TBC1D23: variants seen among roughly 807,000 people sequenced by gnomAD.
The protein encoded by TBC1D23 is TBC1 domain family member 23, also known as HCV non-structural protein 4A-transactivated protein 1.
A neutral mutation model predicts 91.4 loss-of-function variants in TBC1D23; 55 were observed. The observed-to-expected ratio is 0.60, with a 90% CI of 0.48 to 0.75. The LOEUF is 0.75. TBC1D23 is among the 30% of genes least tolerant of loss of function. The pLI is 0.00. For missense variants in TBC1D23, 725 were observed against 836.1 expected, an observed-to-expected ratio of 0.87 and a Z score of 1.64; for synonymous variants, 289 against 281.0, an observed-to-expected ratio of 1.03 and a Z score of -0.28.
intron 16 of TBC1D23, among the ~76,000 whole-genome samples, chr3:100,317,942 A>G (rs1298955078): frequency 3.3e-5 from 5 of 152,034 alleles, no homozygotes; most frequent in Non-Finnish European, 7.4e-5. Flanking sequence ...ATATACATTT[A>G]TATACATTTA....
chr3:100,303,388 T>G (rs1323875907), intron 11 of TBC1D23, among the ~76,000 whole-genome samples: 2 of 152,150 alleles, frequency 1.3e-5, no homozygotes, highest in Non-Finnish European at 2.9e-5. Context: ...AATTTTAAAT[T>G]TTATTAAAGG....
At chr3:100,261,435 G>A in intron 1 of TBC1D23, 1 of 298,800 alleles carries the variant, frequency 3.3e-6, no homozygotes. Context: ...GTTGGATGCA[G>A]ATCTGAGTCA....
In TBC1D23 at chr3:100,281,135, C is replaced by T. The variant is rs534372606; in HGVS notation, c.166-607C>T. Among the ~76,000 whole-genome samples, 231 of 152,216 alleles carry T rather than the reference C, an allele frequency of 1.5e-3. 1 individual carries two copies. Among genetic ancestry groups the T allele is most frequent in the African/African-American group, 5.3e-3 (219 of 41,528 alleles). ...CGAGATCGTGCCACTATGCTCCAGCCTGAGCAAGAGAGCGAAACTCAGTCT... is the reference window on the plus strand; with the variant it reads ...CGAGATCGTGCCACTATGCTCCAGCTTGAGCAAGAGAGCGAAACTCAGTCT... On this transcript the variant is annotated intron_variant, in intron 2 of 18. Transcript: ENST00000394144.
intron 1 of TBC1D23, among the ~76,000 whole-genome samples, chr3:100,274,889 T>TCC: frequency 8.1e-6 from 1 of 123,868 alleles, no homozygotes; most frequent in African/African-American, 2.7e-5. Context: ...ATGCATACAG[T>TCC]ACACACCCCC....
intron 11 of TBC1D23, among the ~76,000 whole-genome samples, chr3:100,303,717 C>T (rs1431062155): frequency 1.3e-5 from 2 of 152,080 alleles, no homozygotes; most frequent in Non-Finnish European, 2.9e-5. Flanking sequence ...CTGCAGTGAG[C>T]CATAGTCATG....
At chr3:100,307,155 G>A (rs892191803) in intron 13 of TBC1D23, among the ~76,000 whole-genome samples, 1 of 152,124 alleles carries the variant, frequency 6.6e-6, no homozygotes, top group Non-Finnish European at 1.5e-5. Context: ...CTGTTTTTCT[G>A]TTCTTTGGAA....
intron 1 of TBC1D23, among the ~76,000 whole-genome samples, chr3:100,276,643 C>T (rs1400406558): frequency 3.9e-5 from 6 of 152,126 alleles, no homozygotes; most frequent in South Asian, 2.1e-4. Flanking sequence ...TTGTTTGCCT[C>T]GCTGTAATTC....
chr3:100,302,533 G>A (rs886438017), intron 11 of TBC1D23, among the ~76,000 whole-genome samples: 1 of 152,072 alleles, frequency 6.6e-6, no homozygotes. Flanking sequence ...GTTCCTCTAT[G>A]CATCAAGATC....
chr3:100,281,824 A>G lies in TBC1D23; in HGVS notation c.248A>G (p.His83Arg), dbSNP rs1401533483. 6.2e-7 allele frequency: 1 copy of G among 1,609,044 alleles called. No homozygotes were observed. The change falls in exon 3 of 19, where the codon CAC (histidine) becomes CGC (arginine). Residue 83 changes from histidine (H) to arginine (R), a missense_variant. His to Arg is a conservative substitution (Grantham distance 29). Coordinates refer to ENST00000394144, the MANE Select transcript of TBC1D23 (RefSeq NM_001199198.3). ...ILDLPEQNTIHKDCLQFIDQL... is the reference protein window; with the variant it reads ...ILDLPEQNTIRKDCLQFIDQL... ...GACTTGCCAGAACAGAACACTATTC[A>G]CAAAGATTGCCTGCAGTTTATTGGT...
chr3:100,295,910 T>G (rs2067835081), intron 7 of TBC1D23, among the ~76,000 whole-genome samples: 1 of 152,230 alleles, frequency 6.6e-6, no homozygotes, highest in Non-Finnish European at 1.5e-5. Flanking sequence ...TCTTCATATA[T>G]GTTTAATAAA....
rs752506923 is a variant in TBC1D23 at position 100,290,686 on chromosome 3, C to A, written c.585C>A (p.Ser195=). The stretch of plus-strand genomic sequence containing the variant: ...ATACAAAGAAAATTACTCCAGACTC[C>A]TATGCACTCAACTGGGTAATAAAGT... The part of the protein sequence containing the change: ...YLDTKKITPD[S]YALNWLGSLF... Residue 195 remains serine (S), a synonymous_variant, in exon 5 of 19, where the codon TCC becomes TCA. Transcript: ENST00000394144. The A allele has an allele frequency of 1.2e-6, 2 of 1,609,442 alleles. No individual in the cohort carries two copies. Among genetic ancestry groups the A allele is most frequent in the Admixed American group, 3.3e-5 (2 of 59,740 alleles).
At chr3:100,264,024 C>A (rs1156667589) in intron 1 of TBC1D23, among the ~76,000 whole-genome samples, 1 of 152,148 alleles carries the variant, frequency 6.6e-6, no homozygotes, top group Admixed American at 6.5e-5. Context: ...TAATCTTTCT[C>A]CTTTTTATCC....
chr3:100,283,423 G>A (rs2067711869), intron 3 of TBC1D23, among the ~76,000 whole-genome samples, 184 bp from the exon 4 acceptor site: 1 of 151,972 alleles, frequency 6.6e-6, no homozygotes, highest in Admixed American at 6.6e-5. Flanking sequence ...TTTTCCTTGG[G>A]TTTTGGATCT....
At chr3:100,319,555 A>C (rs989429898) in intron 17 of TBC1D23, among the ~76,000 whole-genome samples, 2 of 152,000 alleles carry the variant, frequency 1.3e-5, no homozygotes, top group Non-Finnish European at 2.9e-5. Flanking sequence ...CAGCCTCCAG[A>C]GTAGCTGGGA....
intron 1 of TBC1D23, among the ~76,000 whole-genome samples, chr3:100,272,968 A>ATGCC (rs2067613283): frequency 6.6e-6 from 1 of 152,040 alleles, no homozygotes; most frequent in Non-Finnish European, 1.5e-5. Context: ...CAGGAGACAG[A>ATGCC]TGCCTTCCTC....
chr3:100,310,565 G>A, intron 14 of TBC1D23, 23 bp downstream of exon 14: 1 of 1,566,690 alleles, frequency 6.4e-7, no homozygotes. Context: ...TACAGTATGA[G>A]TTTATGATGA....
intron 7 of TBC1D23, 91 bp downstream of exon 7, chr3:100,295,439 T>G (rs2067830888): frequency 2.0e-6 from 2 of 1,010,754 alleles, no homozygotes; most frequent in East Asian, 5.2e-5. Context: ...AGGAGATTAG[T>G]CTAGAAGAGC....
intron 10 of TBC1D23, among the ~76,000 whole-genome samples, chr3:100,301,272 C>CAAAAAAAAAAA (rs71697646): frequency 8.8e-6 from 1 of 113,108 alleles, no homozygotes; most frequent in African/African-American, 3.2e-5. Flanking sequence ...GATTCCGTCT[C>CAAAAAAAAAAA]AAAAAAAAAA....
chr3:100,293,606 T>C (rs1009094448), intron 5 of TBC1D23, among the ~76,000 whole-genome samples: 1 of 152,234 alleles, frequency 6.6e-6, no homozygotes, highest in African/African-American at 2.4e-5. Context: ...TGTTTGTATG[T>C]ACCTCTTCTA....
Sources: gnomAD v4.1 joint callset for allele counts (sites outside exome capture counted in the v4.1 genomes callset) on GRCh38, gnomAD v4.1.1 for gene constraint, MANE v1.5 for transcripts, NCBI Gene and HGNC (gene_info 2026-07-23, HGNC 2026-07-21) for gene names.